WWOX: variants seen among roughly 807,000 people sequenced by gnomAD.
WWOX encodes the protein WW domain containing oxidoreductase, also known as WW domain-containing oxidoreductase.
WWOX carries 69 observed loss-of-function variants against 46.2 expected under a neutral mutation model. The ratio of observed to expected loss-of-function variants is 1.49; its 90% CI spans 1.23 to 1.82. The LOEUF (loss-of-function observed/expected upper bound fraction) is 1.82. Among genes scored for constraint, WWOX ranks in the 40% most tolerant of loss-of-function variants. WWOX has a pLI of 0.00. For missense variants in WWOX, 919 were observed against 542.6 expected (o/e 1.69, Z -6.89); for synonymous variants, 359 against 202.6 (o/e 1.77, Z -6.56).
chr16:78,706,697 T>C (rs984973971), intron 8 of WWOX, among the ~76,000 whole-genome samples: 8 of 152,218 alleles, frequency 5.3e-5, no homozygotes, highest in Admixed American at 3.9e-4. Context: ...TTCTCGATCC[T>C]TGCAGTTTCC....
intron 8 of WWOX, among the ~76,000 whole-genome samples, chr16:79,148,116 A>G (rs1055668518): frequency 2.0e-5 from 3 of 152,166 alleles, no homozygotes; most frequent in African/African-American, 7.2e-5. Context: ...TCATCAACTG[A>G]GCTTTTGTTG....
At chr16:78,389,590 G>GA (rs2082135919) in intron 6 of WWOX, among the ~76,000 whole-genome samples, 1 of 152,178 alleles carries the variant, frequency 6.6e-6, no homozygotes, top group South Asian at 2.1e-4. Context: ...CAGTCCTTGG[G>GA]AGTAGATGCT....
chr16:78,721,304 C>G (rs1414928173), intron 8 of WWOX, among the ~76,000 whole-genome samples: 2 of 152,200 alleles, frequency 1.3e-5, no homozygotes, highest in Non-Finnish European at 2.9e-5. Context: ...CTATTTCCCC[C>G]TTTTCTTCTT....
At chr16:79,062,150 G>A (rs2048367630) in intron 8 of WWOX, among the ~76,000 whole-genome samples, 1 of 152,216 alleles carries the variant, frequency 6.6e-6, no homozygotes, top group African/African-American at 2.4e-5. Context: ...GAAGGTTAGG[G>A]AGACTGGGGG....
chr16:78,184,119 T>A (rs17573298), intron 5 of WWOX, among the ~76,000 whole-genome samples: 1 of 151,966 alleles, frequency 6.6e-6, no homozygotes, highest in Non-Finnish European at 1.5e-5. Context: ...CCTTCCACCA[T>A]ATCAGAAGGT....
chr16:78,240,334 A>G (rs1257908767), intron 5 of WWOX, among the ~76,000 whole-genome samples: 1 of 151,996 alleles, frequency 6.6e-6, no homozygotes, highest in Non-Finnish European at 1.5e-5. Flanking sequence ...ATAACACCAA[A>G]AGACAAAACA....
rs1250197562 is a variant in WWOX at position 78,802,935 on chromosome 16, AAAAAAAACAAC to A, written c.1056+370187_1056+370197del. ...CATCTGAAAAAAAAAAAAAAAAAAA[AAAAAAAACAAC>A]AAACAGAAAAATGAACGAGTGAGTG... On this transcript the variant is annotated intron_variant, in intron 8 of 8. Transcript: ENST00000566780. 3.8e-4 allele frequency among the ~76,000 whole-genome samples: 38 copies of A among 100,412 alleles called. 4 individuals carry two copies. Among genetic ancestry groups the A allele is most frequent in the South Asian group, 1.6e-3 (4 of 2,498 alleles). The allele number at this position is 100,412 out of a possible 152,430, so 65.9% of individuals were successfully genotyped here.
At chr16:78,990,161 G>T (rs1448647502) in intron 8 of WWOX, among the ~76,000 whole-genome samples, 3 of 148,078 alleles carry the variant, frequency 2.0e-5, no homozygotes, top group Admixed American at 6.7e-5. Context: ...ACCAGCCTGG[G>T]TGACAGAGGG....
intron 8 of WWOX, among the ~76,000 whole-genome samples, chr16:78,588,854 T>C (rs62034036): frequency 0.23 from 35,067 of 151,984 alleles, 4,486 homozygotes; most frequent in African/African-American, 0.33. Flanking sequence ...GTGGTGGTAG[T>C]GGTGATGGGG....
chr16:79,023,567 G>A (rs979123125), intron 8 of WWOX, among the ~76,000 whole-genome samples: 1 of 152,128 alleles, frequency 6.6e-6, no homozygotes, highest in Admixed American at 6.6e-5. Flanking sequence ...TCCACCACAG[G>A]CAAACATGTG....
At chr16:78,524,865 C>CT (rs370620034) in intron 8 of WWOX, among the ~76,000 whole-genome samples, 2,153 of 48,494 alleles carry the variant, frequency 0.044, 37 homozygotes, top group Non-Finnish European at 0.072. Context: ...GTTTTTCTTT[C>CT]TTTTTTTTTT....
intron 8 of WWOX, among the ~76,000 whole-genome samples, chr16:78,792,788 C>T (rs2050638667): frequency 6.6e-6 from 1 of 152,072 alleles, no homozygotes; most frequent in Non-Finnish European, 1.5e-5. Context: ...CAAGGAAGGC[C>T]AGGATCCTCA....
chr16:78,512,132 TAAAG>T (rs2085377079), intron 8 of WWOX, among the ~76,000 whole-genome samples: 1 of 152,164 alleles, frequency 6.6e-6, no homozygotes, highest in African/African-American at 2.4e-5. Context: ...AAAATAATGA[TAAAG>T]ATTGTGTGAT....
intron 8 of WWOX, chr16:79,204,433 C>T (rs2051442233): frequency 6.6e-6 from 1 of 152,186 alleles, no homozygotes; most frequent in Non-Finnish European, 1.5e-5. Context: ...ACCCTAACCC[C>T]AGCAAAGCAT....
At chr16:79,179,082 C>A (rs1273863905) in intron 8 of WWOX, among the ~76,000 whole-genome samples, 1 of 152,146 alleles carries the variant, frequency 6.6e-6, no homozygotes, top group Non-Finnish European at 1.5e-5. Flanking sequence ...AGTTAGGGGA[C>A]CAAGGTCCTG....
At chr16:78,921,522 C>G (rs1027411404) in intron 8 of WWOX, among the ~76,000 whole-genome samples, 3 of 152,194 alleles carry the variant, frequency 2.0e-5, no homozygotes, top group African/African-American at 7.2e-5. Flanking sequence ...CACAGTCATT[C>G]TCTTAATCAA....
intron 8 of WWOX, among the ~76,000 whole-genome samples, chr16:79,096,585 C>T (rs886972865): frequency 6.6e-6 from 1 of 152,176 alleles, no homozygotes. Context: ...CAGCAATCTT[C>T]CTTCTCCATC....
At chr16:79,056,555 T>A (rs2048266022) in intron 8 of WWOX, among the ~76,000 whole-genome samples, 1 of 152,156 alleles carries the variant, frequency 6.6e-6, no homozygotes, top group Non-Finnish European at 1.5e-5. Flanking sequence ...GTTGGATAAT[T>A]TTTTGTTGGG....
intron 8 of WWOX, among the ~76,000 whole-genome samples, chr16:79,098,390 A>C (rs2049119648): frequency 6.6e-6 from 1 of 152,192 alleles, no homozygotes; most frequent in Admixed American, 6.5e-5. Context: ...TCTGCTTCTT[A>C]ACCAGCAGAA....
Sources: gnomAD v4.1 joint callset for allele counts (sites outside exome capture counted in the v4.1 genomes callset) on GRCh38, gnomAD v4.1.1 for gene constraint, MANE v1.5 for transcripts, NCBI Gene and HGNC (gene_info 2026-07-23, HGNC 2026-07-21) for gene names.